SYT1: variants seen among roughly 807,000 people sequenced by gnomAD.
The protein encoded by SYT1 is synaptotagmin-1.
In SYT1, 8 loss-of-function variants were observed where a neutral mutation model predicts 44.8. That is an observed-to-expected ratio of 0.18 (90% CI 0.10 to 0.32). The LOEUF is 0.32. Among genes scored for constraint, SYT1 ranks in the 10% least tolerant of loss-of-function variants. The probability of loss-of-function intolerance (pLI) is 1.00; values close to 1 mark genes in which losing one functional copy is unlikely to be tolerated. For missense variants in SYT1, 286 were observed against 509.3 expected, an observed-to-expected ratio of 0.56 and a Z score of 4.22; for synonymous variants, 154 against 188.8, an observed-to-expected ratio of 0.82 and a Z score of 1.51.
At chr12:79,240,007 C>A (rs1876408149) in intron 4 of SYT1, among the ~76,000 whole-genome samples, 1 of 152,220 alleles carries the variant, frequency 6.6e-6, no homozygotes, top group Non-Finnish European at 1.5e-5. Flanking sequence ...AATTGAAATA[C>A]AACCTATTTG....
chr12:78,989,071 C>A (rs1869845024), intron 2 of SYT1, among the ~76,000 whole-genome samples: 1 of 151,934 alleles, frequency 6.6e-6, no homozygotes, highest in South Asian at 2.1e-4. Flanking sequence ...AAATAATTAC[C>A]CTAGAGATTT....
chr12:79,201,710 C>T (rs1217883858), intron 3 of SYT1, among the ~76,000 whole-genome samples: 1 of 152,146 alleles, frequency 6.6e-6, no homozygotes, highest in Admixed American at 6.5e-5. Context: ...CATCAACAAT[C>T]TTGAGCTACA....
intron 2 of SYT1, among the ~76,000 whole-genome samples, chr12:79,030,926 T>C (rs1036973869): frequency 1.3e-5 from 2 of 151,000 alleles, no homozygotes; most frequent in African/African-American, 2.4e-5. Context: ...AGAGATATGT[T>C]ATGTCTCCAG....
At chr12:79,438,140 A>G (rs1870195854) in intron 9 of SYT1, among the ~76,000 whole-genome samples, 1 of 152,120 alleles carries the variant, frequency 6.6e-6, no homozygotes, top group Non-Finnish European at 1.5e-5. Context: ...CATCAAACCA[A>G]CCAAGCCTTT....
chr12:79,432,759 G>A (rs1042457040), intron 9 of SYT1, among the ~76,000 whole-genome samples: 29 of 152,190 alleles, frequency 1.9e-4, no homozygotes, highest in Middle Eastern at 3.4e-3. Flanking sequence ...GATTACAGGC[G>A]TGTACAACCA....
intron 1 of SYT1, among the ~76,000 whole-genome samples, chr12:78,899,745 A>G (rs1392104109): frequency 1.3e-5 from 2 of 152,034 alleles, no homozygotes; most frequent in Non-Finnish European, 2.9e-5. Flanking sequence ...TTAAAACACT[A>G]TGTGAAAACT....
intron 3 of SYT1, among the ~76,000 whole-genome samples, chr12:79,187,495 C>T (rs757078617): frequency 8.6e-5 from 13 of 152,034 alleles, no homozygotes; most frequent in African/African-American, 2.7e-4. Context: ...TAATTCCTGC[C>T]GGATTTCATA....
At chr12:79,264,566 A>G (rs1878021905) in intron 4 of SYT1, among the ~76,000 whole-genome samples, 1 of 152,228 alleles carries the variant, frequency 6.6e-6, no homozygotes, top group Admixed American at 6.5e-5. Context: ...TTGATGCACT[A>G]TAGAATTGAG....
At chr12:79,284,252 A>T (rs537892617) in intron 4 of SYT1, among the ~76,000 whole-genome samples, 2 of 152,306 alleles carry the variant, frequency 1.3e-5, no homozygotes, top group East Asian at 3.9e-4. Context: ...AGGCATACCA[A>T]ATAAGAAAAT....
chr12:78,965,749 T>G (rs1879735277), intron 1 of SYT1, among the ~76,000 whole-genome samples: 1 of 152,042 alleles, frequency 6.6e-6, no homozygotes, highest in African/African-American at 2.4e-5. Context: ...TCATCAAAGA[T>G]CTCATGTTGC....
At chr12:78,922,559 T>C (rs1877067804) in intron 1 of SYT1, among the ~76,000 whole-genome samples, 1 of 151,904 alleles carries the variant, frequency 6.6e-6, no homozygotes, top group African/African-American at 2.4e-5. Context: ...AAATGCTAAT[T>C]GTTTTAAAGT....
At chr12:79,133,862 A>G (rs1869012186) in intron 3 of SYT1, among the ~76,000 whole-genome samples, 1 of 152,178 alleles carries the variant, frequency 6.6e-6, no homozygotes, top group African/African-American at 2.4e-5. Context: ...AGATAGCAGA[A>G]CTCCTGCTCT....
intron 9 of SYT1, among the ~76,000 whole-genome samples, chr12:79,385,734 TG>T (rs1482100941): frequency 6.6e-6 from 1 of 151,798 alleles, no homozygotes; most frequent in African/African-American, 2.4e-5. Flanking sequence ...CCATTGTTGT[TG>T]TTGTTGTTGT....
At chr12:78,956,718 G>A (rs1240430742) in intron 1 of SYT1, among the ~76,000 whole-genome samples, 1 of 151,986 alleles carries the variant, frequency 6.6e-6, no homozygotes, top group Non-Finnish European at 1.5e-5. Context: ...AAAAGCTTAT[G>A]GAAAATGTAG....
intron 3 of SYT1, among the ~76,000 whole-genome samples, chr12:79,093,654 G>T (rs1877927907): frequency 1.3e-5 from 2 of 151,440 alleles, no homozygotes; most frequent in Non-Finnish European, 3.0e-5. Context: ...CTGTCATTCA[G>T]CTTTTTATGT....
At chr12:78,936,809 T>C (rs1436861553) in intron 1 of SYT1, among the ~76,000 whole-genome samples, 1 of 152,140 alleles carries the variant, frequency 6.6e-6, no homozygotes, top group Non-Finnish European at 1.5e-5. Context: ...GGGGGAATGT[T>C]AAGCCATAGG....
rs529431234 is a variant in SYT1 at position 78,877,914 on chromosome 12, C to T, written c.-217+12805C>T. On this transcript the variant is annotated intron_variant, in intron 1 of 10. Coordinates refer to ENST00000261205, the MANE Select transcript of SYT1 (RefSeq NM_005639.3). ...AAGGTACTAGGATTACAGGCATGAG[C>T]CACCACACCTGTCCTCAAAAGTATA... is the stretch of plus-strand genomic sequence containing the variant. 2.9e-4 allele frequency among the ~76,000 whole-genome samples: 44 copies of T among 151,922 alleles called. 1 individual carries two copies. In the South Asian group the frequency reaches 8.5e-3, roughly 29 times the overall value.
intron 3 of SYT1, among the ~76,000 whole-genome samples, chr12:79,192,788 A>T (rs1204190838): frequency 6.6e-6 from 1 of 152,208 alleles, no homozygotes; most frequent in Non-Finnish European, 1.5e-5. Flanking sequence ...GTTGAGTAAT[A>T]TGAATGAATT....
chr12:78,875,504 A>G (rs960600210), intron 1 of SYT1, among the ~76,000 whole-genome samples: 1 of 151,714 alleles, frequency 6.6e-6, no homozygotes, highest in Non-Finnish European at 1.5e-5. Context: ...AGGGGAAAGC[A>G]CTGGGGTCAA....
Sources: gnomAD v4.1 joint callset for allele counts (sites outside exome capture counted in the v4.1 genomes callset) on GRCh38, gnomAD v4.1.1 for gene constraint, MANE v1.5 for transcripts, NCBI Gene and HGNC (gene_info 2026-07-23, HGNC 2026-07-21) for gene names.